SUCO: variants seen among roughly 807,000 people sequenced by gnomAD.
SUCO encodes the protein SUN domain-containing ossification factor.
In SUCO, 57 loss-of-function variants were observed where a neutral mutation model predicts 148.1. The observed-to-expected ratio is 0.38, with a 90% confidence interval of 0.31 to 0.48. The LOEUF is 0.48. Ranked by LOEUF, SUCO falls within the 20% of genes least tolerant of loss-of-function variation. The probability of loss-of-function intolerance (pLI) is 0.96; values close to 1 mark genes in which losing one functional copy is unlikely to be tolerated. For synonymous variants in SUCO, 470 were observed against 502.7 expected (o/e 0.93, Z 0.87); for missense variants, 1,331 against 1,468.2 (o/e 0.91, Z 1.53).
At chr1:172,543,004 A>G (rs758715287) in intron 1 of SUCO, 2 of 985,268 alleles carry the variant, frequency 2.0e-6, no homozygotes, top group Non-Finnish European at 2.4e-6. Context: ...AATTCCACAC[A>G]TTTGTTTGGT....
intron 9 of SUCO, among the ~76,000 whole-genome samples, chr1:172,571,624 T>G (rs1654999208): frequency 1.6e-5 from 2 of 127,236 alleles, no homozygotes; most frequent in Non-Finnish European, 3.3e-5. Context: ...GAGCGCCTCT[T>G]CCCTGCCGCC....
chr1:172,564,409 C>T (rs1211822057), intron 6 of SUCO, among the ~76,000 whole-genome samples: 1 of 152,206 alleles, frequency 6.6e-6, no homozygotes, highest in Admixed American at 6.5e-5. Context: ...TGCCCAGGGC[C>T]TTGGTGATGA....
rs752830624 is a variant in SUCO, at chr1:172,602,714, T to G, written c.3192T>G (p.Asp1064Glu). Residue 1064 changes from aspartate to glutamate, a missense_variant, in exon 22 of 24, where the codon GAT becomes GAG. Physicochemically the swap from Asp to Glu is conservative, Grantham distance 45. Around this residue, in one of 3 missense-constraint regions of SUCO, gnomAD observed 334 missense variants for 352.3 expected, o/e 0.95. Coordinates refer to ENST00000263688, the MANE Select transcript of SUCO (RefSeq NM_014283.5). ...GTGTTAGGTGTTTCTCTTCCTATGA[T>G]GATATGAATTTGAAAAGAAGAACTT... Reference protein sequence around the residue: ...PSPKRCFSSYDDMNLKRRTSF... With the variant: ...PSPKRCFSSYEDMNLKRRTSF... The G allele has an allele frequency of 1.9e-6, 3 of 1,612,976 alleles. No homozygotes were observed. The highest frequency in any genetic ancestry group is 2.5e-6 in the Non-Finnish European group (3 of 1,179,614).
chr1:172,583,730 G>C (rs1656043343), intron 15 of SUCO, among the ~76,000 whole-genome samples: 1 of 152,142 alleles, frequency 6.6e-6, no homozygotes, highest in South Asian at 2.1e-4. Context: ...TATTTTAATA[G>C]TAGGAGTATC....
intron 1 of SUCO, chr1:172,544,082 A>T (rs946602038): frequency 3.1e-6 from 2 of 638,730 alleles, no homozygotes; most frequent in Non-Finnish European, 3.9e-6. Flanking sequence ...ATTTCAGTAA[A>T]TTTTTTCAGA....
At chr1:172,546,542 T>G (rs1158143912) in intron 1 of SUCO, among the ~76,000 whole-genome samples, 3 of 152,174 alleles carry the variant, frequency 2.0e-5, no homozygotes, top group Non-Finnish European at 2.9e-5. Context: ...AGGCGCAGGC[T>G]TCAGAGTCAA....
chr1:172,596,836 T>C (rs1016143310), intron 19 of SUCO, among the ~76,000 whole-genome samples: 3 of 152,222 alleles, frequency 2.0e-5, no homozygotes, highest in Admixed American at 2.0e-4. Context: ...GACGTTTAAG[T>C]CTGCAGAAAT....
In SUCO at chr1:172,556,165, G is replaced by T. The variant is rs557342688; in HGVS notation, c.443+142G>T. On this transcript the variant is annotated intron_variant, in intron 4 of 23. Coordinates refer to ENST00000263688, the MANE Select transcript of SUCO (RefSeq NM_014283.5). ...ACCTAAATTACAGTGCTTGTGTTTT[G>T]TGTGCGTATGTGTGCATGCGTTTGT... 1.2e-4 allele frequency: 73 copies of T among 602,810 alleles called. 1 individual carries two copies. The South Asian group carries it at 1.4e-3, about 12-fold the overall frequency. The allele number at this position is 602,810 out of a possible 1,614,324, so 37.3% of individuals were successfully genotyped here. A position where few individuals can be genotyped will look rare whatever the true frequency, so the allele number is the denominator to read the frequency against.
chr1:172,560,192 C>G (rs1654050015), intron 6 of SUCO, among the ~76,000 whole-genome samples: 1 of 152,144 alleles, frequency 6.6e-6, no homozygotes, highest in African/African-American at 2.4e-5. Context: ...GTTAAACGAG[C>G]AAGGACCAAA....
Position 172,569,084 on chromosome 1 carries a change from A to T in SUCO, c.798A>T (p.Glu266Asp). ...PTSVASPKDP[E>D]DIPTFDEWKK... is the part of the protein sequence containing the mutation. Reference sequence around the variant, plus strand: ...CAGTAGCAAGTCCCAAAGATCCAGAAGATATACCAACATTTGATGAATGGA... The same window carrying T: ...CAGTAGCAAGTCCCAAAGATCCAGATGATATACCAACATTTGATGAATGGA... The change falls in exon 7 of 24, where the codon GAA becomes GAT. Residue 266 changes from glutamate to aspartate, a missense_variant. Around this residue, in one of 3 missense-constraint regions of SUCO, gnomAD observed 992 missense variants for 1,093.5 expected, o/e 0.91. Transcript: ENST00000263688. The T allele has an allele frequency of 6.3e-7, 1 of 1,594,130 alleles. No homozygotes were observed. The highest frequency in any genetic ancestry group is 8.5e-7 in the Non-Finnish European group (1 of 1,171,306).
chr1:172,545,997 T>C (rs181214057), intron 1 of SUCO, among the ~76,000 whole-genome samples: 39 of 152,152 alleles, frequency 2.6e-4, no homozygotes, highest in Non-Finnish European at 4.4e-5. Flanking sequence ...AGCAGCATGA[T>C]CACCACTCAC....
chr1:172,568,435 A>C, intron 6 of SUCO: 1 of 980,932 alleles, frequency 1.0e-6, no homozygotes, highest in Non-Finnish European at 1.2e-6. Context: ...TTTATGGTTA[A>C]CCTAACCAAA....
chr1:172,577,539 A>C lies in SUCO; in HGVS notation c.1264A>C (p.Met422Leu). Residue 422 changes from methionine to leucine, a missense_variant and splice_region_variant, in exon 12 of 24, where the codon ATG becomes CTG. Coordinates refer to ENST00000263688, the MANE Select transcript of SUCO (RefSeq NM_014283.5). ...DEQMYAKYVKMFIKYIKVELL... is the reference protein window; with the variant it reads ...DEQMYAKYVKLFIKYIKVELL... The stretch of plus-strand genomic sequence containing the variant: ...TTTCTTTTCCTTTCTCTTGCTTCAG[A>C]TGTTCATCAAGTACATAAAGGTTAG... The C allele has an allele frequency of 6.2e-7, 1 of 1,610,626 alleles. No individual in the cohort carries two copies.
At chr1:172,541,894 T>G (rs1024392208) in intron 1 of SUCO, 1 of 956,332 alleles carries the variant, frequency 1.0e-6, no homozygotes, top group Non-Finnish European at 1.2e-6. Context: ...TAAGCATTTT[T>G]TGTTTGTTTT....
At chr1:172,578,188 C>A (rs577652444) in intron 13 of SUCO, 110 bp from the exon 14 acceptor site, 2 of 786,694 alleles carry the variant, frequency 2.5e-6, no homozygotes, top group Non-Finnish European at 2.1e-6. Context: ...AGTCCAAAAG[C>A]CAGTGGCCCT....
At chr1:172,544,481 C>T (rs1214932595) in intron 1 of SUCO, among the ~76,000 whole-genome samples, 2 of 152,188 alleles carry the variant, frequency 1.3e-5, no homozygotes, top group African/African-American at 2.4e-5. Context: ...GAGCGGGCCA[C>T]CCACCAACCC....
chr1:172,578,497 C>T (rs1343734198), intron 14 of SUCO, 108 bp downstream of exon 14: 2 of 1,392,446 alleles, frequency 1.4e-6, no homozygotes, highest in African/African-American at 1.5e-5. Flanking sequence ...CTGTTGTCTT[C>T]AGGCTTTTGT....
In SUCO at chr1:172,589,096, C is replaced by T. The variant is rs1419713702; in HGVS notation, c.1995C>T (p.Pro665=). The change falls in exon 18 of 24, where the codon CCC becomes CCT. Residue 665 remains proline, a synonymous_variant. Transcript: ENST00000263688. The part of the protein sequence containing the change: ...GKDYLVLAQP[P]LLLPAESVDV... ...ATTATCTTGTGTTAGCTCAACCACC[C>T]TTACTACTTCCTGCGGAATCAGTAG... is the stretch of plus-strand genomic sequence containing the variant. 1 of 1,613,552 alleles carries T rather than the reference C, an allele frequency of 6.2e-7. No individual in the cohort carries two copies. The highest frequency in any genetic ancestry group is 2.2e-5 in the East Asian group (1 of 44,882).
intron 17 of SUCO, 120 bp downstream of exon 17, chr1:172,586,068 A>G (rs889673045): frequency 1.7e-6 from 1 of 582,902 alleles, no homozygotes; most frequent in African/African-American, 1.9e-5. Context: ...GCTCTGAATC[A>G]TAGGATAGAC....
Sources: gnomAD v4.1 joint callset for allele counts (sites outside exome capture counted in the v4.1 genomes callset) on GRCh38, gnomAD v4.1.1 for gene constraint, gnomAD v4.1.1 regional missense constraint, MANE v1.5 for transcripts, NCBI Gene and HGNC (gene_info 2026-07-23, HGNC 2026-07-21) for gene names.